The following MFHAS1 variants were observed in gnomAD, a reference collection of about 807,000 sequenced individuals.
MFHAS1 encodes the protein malignant fibrous histiocytoma-amplified sequence 1.
Under a neutral mutation model 70.4 loss-of-function variants are expected in MFHAS1, and 50 were observed. The ratio of observed to expected loss-of-function variants is 0.71; its 90% CI spans 0.57 to 0.90. The LOEUF is 0.90. MFHAS1 is among the 40% of genes least tolerant of loss of function. The probability of loss-of-function intolerance (pLI) is 0.00; values close to 1 mark genes in which losing one functional copy is unlikely to be tolerated. For synonymous variants in MFHAS1, 952 were observed against 620.0 expected, an observed-to-expected ratio of 1.54 and a Z score of -7.96; for missense variants, 1,795 against 1,347.6, an observed-to-expected ratio of 1.33 and a Z score of -5.20.
At chr8:8,829,508 C>T (rs1807288856) in intron 1 of MFHAS1, among the ~76,000 whole-genome samples, 1 of 152,158 alleles carries the variant, frequency 6.6e-6, no homozygotes, top group African/African-American at 2.4e-5. Flanking sequence ...TGGTGAAACC[C>T]CATCTCTACT....
intron 1 of MFHAS1, among the ~76,000 whole-genome samples, chr8:8,833,320 T>C (rs1050688722): frequency 2.0e-5 from 3 of 152,154 alleles, no homozygotes; most frequent in Admixed American, 1.3e-4. Context: ...CTGGAAAAAT[T>C]TGGCAGCTTC....
At chr8:8,863,591 C>T (rs1808745330) in intron 1 of MFHAS1, among the ~76,000 whole-genome samples, 1 of 152,138 alleles carries the variant, frequency 6.6e-6, no homozygotes, top group African/African-American at 2.4e-5. Context: ...TTTTCCAGAC[C>T]ATATCATTAA....
rs142652379 is a variant in MFHAS1 at position 8,802,569 on chromosome 8, C to T, written c.2999-5078G>A. ...TGATCTTGGACTTACCAACCTCCCA[C>T]ACTGTGAGAAACAGATTTCTGTTCC... On this transcript the variant is annotated intron_variant, in intron 1 of 2. Coordinates refer to ENST00000276282, the MANE Select transcript of MFHAS1 (RefSeq NM_004225.3). Among the ~76,000 whole-genome samples, 729 of 152,316 alleles carry T rather than the reference C, an allele frequency of 4.8e-3. 3 individuals carry two copies. Among genetic ancestry groups the T allele is most frequent in the African/African-American group, 0.016 (679 of 41,566 alleles).
At chr8:8,791,714 G>T (rs1035492154) in intron 2 of MFHAS1, among the ~76,000 whole-genome samples, 3 of 152,120 alleles carry the variant, frequency 2.0e-5, no homozygotes, top group Non-Finnish European at 2.9e-5. Flanking sequence ...TTGCCCACGG[G>T]AAGTATAGGT....
chr8:8,852,224 T>C (rs1482780866), intron 1 of MFHAS1, among the ~76,000 whole-genome samples: 7 of 152,036 alleles, frequency 4.6e-5, no homozygotes, highest in Admixed American at 4.6e-4. Flanking sequence ...ACACCTGTAA[T>C]CACATTTGGG....
At position 8,887,529 on chromosome 8, in the gene MFHAS1, G is replaced by A. The variant is rs186454767; in HGVS notation, c.2998+2532C>T. ...AAGACTATAAGACAAAAATATGTAC[G>A]TTGGTGTATATATACATATATATTT... On this transcript the variant is annotated intron_variant, in intron 1 of 2. Transcript: ENST00000276282. Among the ~76,000 whole-genome samples, 603 of 150,114 alleles carry A rather than the reference G, an allele frequency of 4.0e-3. 3 individuals carry two copies. Among genetic ancestry groups the A allele is most frequent in the Non-Finnish European group, 6.2e-3 (417 of 67,604 alleles).
intron 2 of MFHAS1, among the ~76,000 whole-genome samples, chr8:8,794,335 G>A (rs1012897499): frequency 6.6e-5 from 10 of 152,144 alleles, no homozygotes; most frequent in Admixed American, 6.5e-4. Context: ...AAGCTGTGTT[G>A]ACTTAAGCAC....
chr8:8,852,713 A>C (rs1455543278), intron 1 of MFHAS1, among the ~76,000 whole-genome samples: 2 of 152,196 alleles, frequency 1.3e-5, no homozygotes, highest in Non-Finnish European at 2.9e-5. Context: ...TGAAGTCCAG[A>C]GAAAAAGCTT....
intron 1 of MFHAS1, among the ~76,000 whole-genome samples, chr8:8,882,757 A>C (rs1010273769): frequency 5.9e-5 from 9 of 152,260 alleles, no homozygotes; most frequent in Non-Finnish European, 1.2e-4. Flanking sequence ...AAGGCAGGCC[A>C]AACAGGGGTT....
intron 1 of MFHAS1, among the ~76,000 whole-genome samples, chr8:8,872,638 G>C (rs1267113866): frequency 6.6e-6 from 1 of 152,200 alleles, no homozygotes; most frequent in Non-Finnish European, 1.5e-5. Context: ...CAGCATTCAA[G>C]AAGTGTCTGG....
intron 1 of MFHAS1, among the ~76,000 whole-genome samples, chr8:8,838,747 G>A (rs554540467): frequency 6.6e-6 from 1 of 151,308 alleles, no homozygotes; most frequent in Admixed American, 6.6e-5. Flanking sequence ...GGGAGGCAGA[G>A]GTTGTAGTGA....
intron 1 of MFHAS1, among the ~76,000 whole-genome samples, chr8:8,854,421 T>C (rs1280474213): frequency 6.6e-6 from 1 of 151,950 alleles, no homozygotes; most frequent in Non-Finnish European, 1.5e-5. Context: ...CTCCGGAGGC[T>C]GAGGCAGGAT....
intron 1 of MFHAS1, among the ~76,000 whole-genome samples, chr8:8,836,625 A>C (rs1375449549): frequency 6.6e-6 from 1 of 151,992 alleles, no homozygotes; most frequent in Non-Finnish European, 1.5e-5. Flanking sequence ...TGATCCTCCC[A>C]CCTCAGTCTC....
intron 1 of MFHAS1, among the ~76,000 whole-genome samples, chr8:8,849,193 G>C (rs1808150256): frequency 7.1e-6 from 1 of 141,764 alleles, no homozygotes; most frequent in African/African-American, 2.6e-5. Flanking sequence ...CGATTCTCCT[G>C]CCTTAGCCTC....
At chr8:8,851,557 C>G (rs1249855817) in intron 1 of MFHAS1, among the ~76,000 whole-genome samples, 1 of 152,152 alleles carries the variant, frequency 6.6e-6, no homozygotes, top group Non-Finnish European at 1.5e-5. Context: ...CCATGTAGTA[C>G]AACAAAATCG....
chr8:8,827,875 T>G (rs1266354235), intron 1 of MFHAS1, among the ~76,000 whole-genome samples: 1 of 152,226 alleles, frequency 6.6e-6, no homozygotes, highest in Non-Finnish European at 1.5e-5. Flanking sequence ...AGTTCATTAT[T>G]TAAGTCTAAA....
chr8:8,843,326 G>A (rs937831358), intron 1 of MFHAS1, among the ~76,000 whole-genome samples: 12 of 151,834 alleles, frequency 7.9e-5, no homozygotes, highest in African/African-American at 2.4e-4. Context: ...ACTCACACCT[G>A]TAATCCCAAC....
intron 1 of MFHAS1, among the ~76,000 whole-genome samples, chr8:8,835,518 A>C (rs1294305100): frequency 6.6e-6 from 1 of 152,196 alleles, no homozygotes; most frequent in Admixed American, 6.5e-5. Flanking sequence ...CCTCACGATG[A>C]AGATGTTTCT....
At chr8:8,802,531 T>G (rs909144154) in intron 1 of MFHAS1, among the ~76,000 whole-genome samples, 4 of 152,172 alleles carry the variant, frequency 2.6e-5, no homozygotes, top group African/African-American at 9.7e-5. Context: ...AGATACCAAA[T>G]CTGCTGGTGC....
Sources: allele counts gnomAD v4.1 joint callset (sites outside exome capture counted in the v4.1 genomes callset), GRCh38; gene constraint gnomAD v4.1.1; transcripts MANE v1.5; gene names NCBI Gene and HGNC (gene_info 2026-07-23, HGNC 2026-07-21).